The following HEXB variants were observed in gnomAD, a reference collection of about 807,000 sequenced individuals.
The protein encoded by HEXB is beta-hexosaminidase subunit beta.
HEXB carries 51 observed loss-of-function variants against 71.2 expected under a neutral mutation model. That is an observed-to-expected ratio of 0.72 (90% confidence interval 0.57 to 0.90). The LOEUF is 0.90. HEXB is among the 40% of genes least tolerant of loss of function. The probability of loss-of-function intolerance (pLI) is 0.00; values close to 1 mark genes in which losing one functional copy is unlikely to be tolerated. For missense variants in HEXB, 617 were observed against 677.0 expected, an observed-to-expected ratio of 0.91 and a Z score of 0.98; for synonymous variants, 266 against 249.3, an observed-to-expected ratio of 1.07 and a Z score of -0.63.
intron 1 of HEXB, among the ~76,000 whole-genome samples, chr5:74,646,902 C>T (rs972420650): frequency 6.6e-5 from 10 of 152,124 alleles, no homozygotes; most frequent in East Asian, 3.9e-4. Flanking sequence ...CTTTAAAAAA[C>T]GAAGCTGCTG....
At chr5:74,663,556 C>T (rs150824434) in intron 1 of HEXB, among the ~76,000 whole-genome samples, 1 of 152,260 alleles carries the variant, frequency 6.6e-6, no homozygotes, top group Non-Finnish European at 1.5e-5. Flanking sequence ...TAGATGCTTG[C>T]ACAATGGAGA....
intron 1 of HEXB, among the ~76,000 whole-genome samples, chr5:74,680,140 G>C (rs1748712260): frequency 6.6e-6 from 1 of 152,080 alleles, no homozygotes; most frequent in Admixed American, 6.5e-5. Context: ...GAACTGAAAG[G>C]GATACTATCT....
At chr5:74,682,365 A>C (rs71627067), upstream of HEXB, among the ~76,000 whole-genome samples, 2 of 152,260 alleles carry the variant, frequency 1.3e-5, no homozygotes, top group East Asian at 1.9e-4. Context: ...CTCAAAAAAA[A>C]CAAAACAAAA....
At position 74,652,763 on chromosome 5, in the gene HEXB, C is replaced by T. The variant is rs776836046; in HGVS notation, c.-377+12205C>T. Among the ~76,000 whole-genome samples the T allele has an allele frequency of 1.7e-4, 26 of 152,210 alleles. No individual in the cohort carries two copies. The highest frequency in any genetic ancestry group is 9.8e-4 in the Admixed American group (15 of 15,286). ...CCACATCTGCCCACAGCACCAGCTC[C>T]GAGATAACCATCACCCTCTCTGAGC... On this transcript the variant is annotated intron_variant, in intron 1 of 13. Transcript: ENST00000511181. The surrounding 1 kb of genome is among the most constrained non-coding windows in gnomAD (Gnocchi z 5.4).
chr5:74,663,921 T>C (rs2112092392), intron 1 of HEXB, among the ~76,000 whole-genome samples: 1 of 151,528 alleles, frequency 6.6e-6, no homozygotes, highest in Admixed American at 6.6e-5. Flanking sequence ...AGCCCAGGAT[T>C]TCAAGACCAG....
Position 74,652,312 on chromosome 5 carries a change from T to C in HEXB, c.-377+11754T>C, listed in dbSNP as rs1561201240. Among the ~76,000 whole-genome samples, 3 of 152,176 alleles carry C rather than the reference T, an allele frequency of 2.0e-5. No homozygotes were observed. The East Asian group carries it at 5.8e-4, about 29-fold the overall frequency. On this transcript the variant is annotated intron_variant, in intron 1 of 13. Coordinates refer to the HEXB transcript ENST00000511181. The surrounding 1 kb of genome is among the most constrained non-coding windows in gnomAD (Gnocchi z 5.4). ...AGAATCCAGTTATTAAATGGCAGAA[T>C]CCAGACCCCTCGCTTTCTTTTTCAG... is the stretch of plus-strand genomic sequence containing the variant.
intron 5 of HEXB, among the ~76,000 whole-genome samples, chr5:74,700,498 G>A (rs929035547): frequency 1.3e-5 from 2 of 150,720 alleles, no homozygotes; most frequent in Non-Finnish European, 3.0e-5. Flanking sequence ...GTAGAGATAG[G>A]GTCTCACCAT....
intron 1 of HEXB, among the ~76,000 whole-genome samples, chr5:74,673,273 C>T (rs1748571697): frequency 2.0e-5 from 3 of 152,162 alleles, no homozygotes; most frequent in Admixed American, 2.0e-4. Flanking sequence ...AGTTTAGCTC[C>T]CCCTTGCCAG....
At chr5:74,668,294 G>A (rs11960249) in intron 1 of HEXB, among the ~76,000 whole-genome samples, 43,215 of 151,042 alleles carry the variant, frequency 0.29, 6,337 homozygotes, top group Admixed American at 0.34. Flanking sequence ...TTTGAATTCT[G>A]CTTTTCTCTT....
At chr5:74,647,916 C>T (rs1339949376) in intron 1 of HEXB, among the ~76,000 whole-genome samples, 1 of 152,214 alleles carries the variant, frequency 6.6e-6, no homozygotes, top group African/African-American at 2.4e-5. Flanking sequence ...CCCAGCCTTT[C>T]ATTGTGATCT....
chr5:74,671,554 G>A (rs78668675), intron 1 of HEXB, among the ~76,000 whole-genome samples: 2,124 of 152,226 alleles, frequency 0.014, 62 homozygotes, highest in African/African-American at 0.049. Context: ...GGTGAAGCGG[G>A]GAGATTGCAA....
intron 10 of HEXB, 105 bp from the exon 11 acceptor site, chr5:74,718,692 T>A: frequency 8.5e-7 from 1 of 1,170,028 alleles, no homozygotes; most frequent in Non-Finnish European, 1.3e-6. Context: ...AGATTTTTTT[T>A]AAGGATCTTA....
chr5:74,664,448 A>AAC (rs1748396321), intron 1 of HEXB, among the ~76,000 whole-genome samples: 3 of 126,540 alleles, frequency 2.4e-5, no homozygotes, highest in Non-Finnish European at 5.0e-5. Context: ...AAAAAAAAAA[A>AAC]AAAAACAGAG....
Position 74,661,707 on chromosome 5 carries a change from A to G in HEXB, c.-377+21149A>G, listed in dbSNP as rs559078950. Among the ~76,000 whole-genome samples, 14 of 152,302 alleles carry G rather than the reference A, an allele frequency of 9.2e-5. No individual in the cohort carries two copies. In the South Asian group the frequency reaches 2.5e-3, roughly 27 times the overall value. ...CCAGAACATCTGGCCTGCATGACTT[A>G]TATTTGAAACTGAGTTCTACTTAAA... On this transcript the variant is annotated intron_variant, in intron 1 of 13. Coordinates refer to the HEXB transcript ENST00000511181.
intron 2 of HEXB, among the ~76,000 whole-genome samples, chr5:74,692,656 T>C (rs1450145636): frequency 1.3e-5 from 2 of 152,238 alleles, no homozygotes; most frequent in African/African-American, 4.8e-5. Flanking sequence ...ACACTACTGA[T>C]AGAGCACTTT....
At chr5:74,663,023 A>G (rs1748356270) in intron 1 of HEXB, among the ~76,000 whole-genome samples, 1 of 152,212 alleles carries the variant, frequency 6.6e-6, no homozygotes, top group Non-Finnish European at 1.5e-5. Context: ...TATCTGCAAG[A>G]TTTAACAAAA....
chr5:74,676,910 G>A (rs991555304), intron 1 of HEXB, among the ~76,000 whole-genome samples: 5 of 152,108 alleles, frequency 3.3e-5, no homozygotes, highest in African/African-American at 4.8e-5. Context: ...TGTTTGAGAC[G>A]GAGTCTCACT....
intron 1 of HEXB, among the ~76,000 whole-genome samples, chr5:74,661,051 G>C (rs1006165080): frequency 1.3e-5 from 2 of 151,978 alleles, no homozygotes; most frequent in African/African-American, 4.8e-5. Context: ...AGAGAGAGTG[G>C]CCTTCACCCT....
chr5:74,643,673 C>T (rs1452781983), intron 1 of HEXB, among the ~76,000 whole-genome samples: 1 of 152,198 alleles, frequency 6.6e-6, no homozygotes, highest in Non-Finnish European at 1.5e-5. Context: ...AATGTATTAG[C>T]TGCCTTCAAA....
Sources: gnomAD v4.1 joint callset for allele counts (sites outside exome capture counted in the v4.1 genomes callset) on GRCh38, gnomAD v4.1.1 for gene constraint, Gnocchi (gnomAD v3.1) non-coding constraint, MANE v1.5 for transcripts, NCBI Gene and HGNC (gene_info 2026-07-23, HGNC 2026-07-21) for gene names.